Variants in GPR158 observed in about 807,000 individuals in gnomAD.
GPR158 encodes the protein G protein-coupled receptor 158, also known as metabotropic glycine receptor.
A neutral mutation model predicts 78.2 loss-of-function variants in GPR158; 30 were observed. That is an observed-to-expected ratio of 0.38 (90% confidence interval 0.29 to 0.52). GPR158 has a LOEUF of 0.52. GPR158 is among the 20% of genes least tolerant of loss of function. The pLI, the probability that GPR158 is intolerant of heterozygous loss-of-function variation, is 0.83. For synonymous variants in GPR158, 581 were observed against 591.1 expected (o/e 0.98, Z 0.25); for missense variants, 1,463 against 1,523.5 (o/e 0.96, Z 0.66).
At chr10:25,193,325 G>A (rs1183941382) in intron 1 of GPR158, among the ~76,000 whole-genome samples, 2 of 152,158 alleles carry the variant, frequency 1.3e-5, no homozygotes, top group South Asian at 2.1e-4. Context: ...TCAATAGGAT[G>A]GTCAGGAAAG....
At chr10:25,423,402 T>A (rs888150175) in intron 4 of GPR158, among the ~76,000 whole-genome samples, 14 of 151,918 alleles carry the variant, frequency 9.2e-5, no homozygotes, top group African/African-American at 2.4e-4. Flanking sequence ...TTTTTTTTTT[T>A]TATACTTTAA....
chr10:25,504,608 C>G (rs1279644083), intron 5 of GPR158, among the ~76,000 whole-genome samples: 1 of 152,132 alleles, frequency 6.6e-6, no homozygotes, highest in East Asian at 1.9e-4. Context: ...CCCACTGGGT[C>G]TACTTTCCCG....
intron 5 of GPR158, among the ~76,000 whole-genome samples, chr10:25,490,831 T>A (rs1835800301): frequency 6.6e-6 from 1 of 151,936 alleles, no homozygotes; most frequent in African/African-American, 2.4e-5. Flanking sequence ...CTGGGTCAAA[T>A]GGTATTTCCA....
chr10:25,278,634 T>G (rs1388295286), intron 2 of GPR158, among the ~76,000 whole-genome samples: 1 of 151,712 alleles, frequency 6.6e-6, no homozygotes, highest in Non-Finnish European at 1.5e-5. Context: ...TGTAAAATAA[T>G]AAAAACGAAG....
intron 1 of GPR158, among the ~76,000 whole-genome samples, chr10:25,191,149 G>A (rs560695491): frequency 7.2e-5 from 11 of 152,292 alleles, no homozygotes; most frequent in Admixed American, 1.3e-4. Context: ...TGAGGCATTC[G>A]TTAAAGAACC....
intron 4 of GPR158, among the ~76,000 whole-genome samples, chr10:25,458,597 T>G (rs961434674): frequency 6.6e-6 from 1 of 152,204 alleles, no homozygotes; most frequent in African/African-American, 2.4e-5. Context: ...ACTGAGCCCC[T>G]GCTCTGTGCC....
intron 2 of GPR158, among the ~76,000 whole-genome samples, chr10:25,267,557 G>A (rs898785944): frequency 1.3e-5 from 2 of 152,098 alleles, no homozygotes; most frequent in African/African-American, 4.8e-5. Context: ...ACATTTTTGA[G>A]CACAGGATAT....
chr10:25,227,718 A>G (rs767990536), intron 2 of GPR158, among the ~76,000 whole-genome samples: 5 of 152,178 alleles, frequency 3.3e-5, no homozygotes, highest in Admixed American at 6.5e-5. Context: ...AAAAGATATC[A>G]TTGCATTCTA....
chr10:25,179,455 T>C (rs111891410), intron 1 of GPR158, among the ~76,000 whole-genome samples: 2,343 of 152,306 alleles, frequency 0.015, 68 homozygotes, highest in African/African-American at 0.054. Flanking sequence ...GACATTTAAA[T>C]TAATGTAAAT....
At chr10:25,290,862 C>A (rs1422795569) in intron 2 of GPR158, among the ~76,000 whole-genome samples, 1 of 151,934 alleles carries the variant, frequency 6.6e-6, no homozygotes, top group Admixed American at 6.6e-5. Flanking sequence ...ATCAAATGTA[C>A]TCTATGCCTT....
intron 6 of GPR158, among the ~76,000 whole-genome samples, chr10:25,559,658 G>T (rs1588912177): frequency 6.6e-6 from 1 of 152,044 alleles, no homozygotes. Context: ...TTACATAAAT[G>T]ATATATTATA....
At chr10:25,447,279 G>A (rs1835150260) in intron 4 of GPR158, among the ~76,000 whole-genome samples, 1 of 152,022 alleles carries the variant, frequency 6.6e-6, no homozygotes, top group Non-Finnish European at 1.5e-5. Context: ...GAAAGAATCA[G>A]GTTTAAATTG....
At chr10:25,561,757 G>T (rs1188644645) in intron 6 of GPR158, among the ~76,000 whole-genome samples, 1 of 152,090 alleles carries the variant, frequency 6.6e-6, no homozygotes, top group Non-Finnish European at 1.5e-5. Flanking sequence ...AGCATTGTTG[G>T]CCTATATTTG....
intron 1 of GPR158, among the ~76,000 whole-genome samples, chr10:25,210,310 G>A (rs966795851): frequency 6.6e-5 from 10 of 152,130 alleles, no homozygotes; most frequent in Middle Eastern, 3.2e-3. Context: ...CAACCAATCC[G>A]TTTCTCTACT....
At chr10:25,513,377 T>A (rs1248587991) in intron 5 of GPR158, among the ~76,000 whole-genome samples, 3 of 152,038 alleles carry the variant, frequency 2.0e-5, no homozygotes, top group Admixed American at 6.6e-5. Context: ...AGTTGTAATA[T>A]CTTTCATTTC....
chr10:25,326,998 C>A (rs1417320688), intron 2 of GPR158, among the ~76,000 whole-genome samples: 1 of 151,978 alleles, frequency 6.6e-6, no homozygotes, highest in Non-Finnish European at 1.5e-5. Context: ...CCGTGTAAGC[C>A]AAAAATACAC....
At chr10:25,414,754 T>A (rs1364114901) in intron 4 of GPR158, among the ~76,000 whole-genome samples, 2 of 152,190 alleles carry the variant, frequency 1.3e-5, no homozygotes, top group Non-Finnish European at 2.9e-5. Flanking sequence ...TTTCGGAGTT[T>A]CCTATTACAT....
intron 2 of GPR158, among the ~76,000 whole-genome samples, chr10:25,373,238 A>G (rs897029490): frequency 6.6e-6 from 1 of 151,876 alleles, no homozygotes; most frequent in Non-Finnish European, 1.5e-5. Context: ...GAGCTGAATG[A>G]TAACACATGG....
intron 2 of GPR158, among the ~76,000 whole-genome samples, chr10:25,317,652 T>C (rs1163986966): frequency 6.6e-6 from 1 of 152,124 alleles, no homozygotes; most frequent in African/African-American, 2.4e-5. Flanking sequence ...CTTCTTTTGC[T>C]TTGTGTTTAG....
Sources: gnomAD v4.1 joint callset for allele counts (sites outside exome capture counted in the v4.1 genomes callset) on GRCh38, gnomAD v4.1.1 for gene constraint, MANE v1.5 for transcripts, NCBI Gene and HGNC (gene_info 2026-07-23, HGNC 2026-07-21) for gene names.